Variants in ITGA5 observed in about 807,000 individuals in gnomAD.
ITGA5 encodes the protein integrin subunit alpha 5.
In ITGA5, 55 loss-of-function variants were observed where a neutral mutation model predicts 146.3. That is an observed-to-expected ratio of 0.38 (90% CI 0.30 to 0.47). ITGA5 has a LOEUF of 0.47. Among genes scored for constraint, ITGA5 ranks in the 20% least tolerant of loss-of-function variants. The probability of loss-of-function intolerance (pLI) is 0.99; values close to 1 mark genes in which losing one functional copy is unlikely to be tolerated. For synonymous variants in ITGA5, 500 were observed against 531.8 expected (o/e 0.94, Z 0.82); for missense variants, 1,131 against 1,329.0 (o/e 0.85, Z 2.32).
At chr12:54,397,793 C>T (rs932584393) in intron 28 of ITGA5, among the ~76,000 whole-genome samples, 3 of 152,202 alleles carry the variant, frequency 2.0e-5, no homozygotes, top group Non-Finnish European at 2.9e-5. Flanking sequence ...GTCTGGGTTC[C>T]AGATCAACTC....
chr12:54,407,845 A>C lies in ITGA5; in HGVS notation c.849T>G (p.Gly283=). ...GGACACACTCACCTTCTGTGTCATCACCACTGAATTCACCAACAGCCACAG... is the reference window on the plus strand; with the variant it reads ...GGACACACTCACCTTCTGTGTCATCCCCACTGAATTCACCAACAGCCACAG... ...GYSVAVGEFS[G]DDTEDFVAGV... Residue 283 remains glycine, a synonymous_variant, in exon 8 of 30, where the codon GGT becomes GGG. Coordinates refer to ENST00000293379, the MANE Select transcript of ITGA5 (RefSeq NM_002205.5). 1 of 1,596,108 alleles carries C rather than the reference A, an allele frequency of 6.3e-7. No homozygotes were observed.
Position 54,405,158 on chromosome 12 carries a change from G to C in ITGA5, c.1225+8C>G, listed in dbSNP as rs977216690. ...TCCTCTTTCACTCTCTGAGCCCATG[G>C]TACTCACCATTGTAGCCATCCTGGT... is the stretch of plus-strand genomic sequence containing the variant. On this transcript the variant is annotated splice_region_variant and intron_variant, in intron 12 of 29. Coordinates refer to ENST00000293379, the MANE Select transcript of ITGA5 (RefSeq NM_002205.5). The C allele has an allele frequency of 3.8e-6, 6 of 1,583,914 alleles. No homozygotes were observed. Among genetic ancestry groups the C allele is most frequent in the Non-Finnish European group, 5.2e-6 (6 of 1,161,646 alleles).
chr12:54,404,650 G>C (rs1955837604), intron 13 of ITGA5, 53 bp downstream of exon 13: 3 of 1,532,696 alleles, frequency 2.0e-6, no homozygotes, highest in South Asian at 1.1e-5. Flanking sequence ...GAGAGAGTAG[G>C]GGTCAGTGAC....
At position 54,403,351 on chromosome 12, in the gene ITGA5, A is replaced by C; in HGVS notation, c.1777-27T>G. The C allele has an allele frequency of 6.6e-7, 1 of 1,504,948 alleles. No individual in the cohort carries two copies. Among genetic ancestry groups the C allele is most frequent in the Non-Finnish European group, 8.9e-7 (1 of 1,126,968 alleles). The allele number at this position is 1,504,948 out of a possible 1,614,324, so 93.2% of individuals were successfully genotyped here. A position where few individuals can be genotyped will look rare whatever the true frequency, so the allele number is the denominator to read the frequency against. On this transcript the variant is annotated intron_variant, in intron 17 of 29. Transcript: ENST00000293379. This position sits in a 1 kb window ranked among gnomAD's most constrained non-coding sequence, Gnocchi z 4.9. ...TGGGGCCAGAGGAGAGAGTTCACGGAGTCAGGGGACTCTGGAGACTTAGTG... is the reference window on the plus strand; with the variant it reads ...TGGGGCCAGAGGAGAGAGTTCACGGCGTCAGGGGACTCTGGAGACTTAGTG...
intron 29 of ITGA5, 160 bp downstream of exon 29, chr12:54,397,205 G>A (rs1955722006): frequency 2.3e-5 from 15 of 642,764 alleles, no homozygotes; most frequent in Admixed American, 2.9e-5. Context: ...ATGAAGGGGG[G>A]GATCTTATAG....
In ITGA5 at chr12:54,405,929, G is replaced by GGGAGAT. The variant is rs1955860875; in HGVS notation, c.907-9_907-4dup. ...TCTGAGCCATTAAGGATGGTGACCT[G>GGGAGAT]GGAGATGAAGAGATAGGCCCATTGG... On this transcript the variant is annotated splice_region_variant and splice_polypyrimidine_tract_variant and intron_variant, in intron 9 of 29. Transcript: ENST00000293379. 6.2e-7 allele frequency: 1 copy of GGGAGAT among 1,613,318 alleles called. No homozygotes were observed. Among genetic ancestry groups the GGGAGAT allele is most frequent in the African/African-American group, 1.3e-5 (1 of 74,904 alleles).
rs1296994426 is a variant in ITGA5, at chr12:54,408,131, T to C, written c.796A>G (p.Ile266Val). Residue 266 changes from isoleucine to valine, a missense_variant, in exon 7 of 30, where the codon ATC (isoleucine) becomes GTC (valine). Ile to Val is a conservative substitution (Grantham distance 29, BLOSUM62 3). Coordinates refer to ENST00000293379, the MANE Select transcript of ITGA5 (RefSeq NM_002205.5). ...GQLQTRQASS[I>V]YDDSYLGYSV... Reference sequence around the variant, plus strand: ...TCACCTAGGTAGCTGTCATCATAGATGGAACTGGCCTGGCGAGTCTGCAGC... The same window carrying C: ...TCACCTAGGTAGCTGTCATCATAGACGGAACTGGCCTGGCGAGTCTGCAGC... The C allele has an allele frequency of 1.2e-6, 2 of 1,614,140 alleles. No individual in the cohort carries two copies. Among genetic ancestry groups the C allele is most frequent in the South Asian group, 1.1e-5 (1 of 91,082 alleles).
chr12:54,407,379 T>C (rs1359991999), intron 9 of ITGA5: 1 of 502,750 alleles, frequency 2.0e-6, no homozygotes, highest in African/African-American at 1.9e-5. Context: ...ATGCATTTTC[T>C]CATTTCATCC....
rs1476087862 is a variant in ITGA5, at chr12:54,401,431, G to A, written c.2435C>T (p.Pro812Leu). ...AVLFPVSDWH[P>L]RDQPQKEEDL... ...CTCCTCCTTCTGAGGCTGGTCTCGG[G>A]GATGCCAGTCGCTTACTGGGAATAG... Residue 812 changes from proline to leucine, a missense_variant, in exon 24 of 30, where the codon CCC (proline) becomes CTC (leucine). By Grantham distance (98) the Pro-to-Leu change is moderately conservative (BLOSUM62 -3). Transcript: ENST00000293379. The surrounding 1 kb of genome is among the most constrained non-coding windows in gnomAD (Gnocchi z 5.0). 9 of 1,614,066 alleles carry A rather than the reference G, an allele frequency of 5.6e-6. No homozygotes were observed. The highest frequency in any genetic ancestry group is 7.6e-6 in the Non-Finnish European group (9 of 1,179,992).
intron 2 of ITGA5, among the ~76,000 whole-genome samples, chr12:54,411,614 T>C (rs533872770): frequency 6.6e-6 from 1 of 152,304 alleles, no homozygotes; most frequent in African/African-American, 2.4e-5. Flanking sequence ...GAGCCACATG[T>C]TTCTGAATCA....
Position 54,396,229 on chromosome 12 carries a change from T to G in ITGA5, c.*64A>C. The stretch of plus-strand genomic sequence containing the variant: ...CTTCAAGAAGTACCCAGACCCCTCC[T>G]TTTCAGTAGAATGAGGGTGGGGGGA... On this transcript the variant is annotated 3_prime_UTR_variant, in exon 30 of 30. Transcript: ENST00000293379. 1.5e-6 allele frequency: 2 copies of G among 1,339,588 alleles called. No homozygotes were observed. The highest frequency in any genetic ancestry group is 2.1e-6 in the Non-Finnish European group (2 of 933,058). The allele number at this position is 1,339,588 out of a possible 1,614,324, so 83.0% of individuals were successfully genotyped here.
In ITGA5 at chr12:54,395,994, C is replaced by G; in HGVS notation, c.*299G>C. On this transcript the variant is annotated 3_prime_UTR_variant, in exon 30 of 30. Transcript: ENST00000293379. ...TCCTAGTTATCTTTCCAAGTTGTTT[C>G]AGGAAACTCTCCAAAATGCAAAGGC... is the stretch of plus-strand genomic sequence containing the variant. The G allele has an allele frequency of 3.3e-6, 1 of 299,738 alleles. No individual in the cohort carries two copies. The highest frequency in any genetic ancestry group is 6.3e-6 in the Non-Finnish European group (1 of 158,722). 18.6% of individuals were successfully genotyped at this position (299,738 alleles called of 1,614,324 possible). A position where few individuals can be genotyped will look rare whatever the true frequency, so the allele number is the denominator to read the frequency against.
At chr12:54,412,084 G>A (rs1955953051) in intron 1 of ITGA5, 120 bp from the exon 2 acceptor site, 1 of 723,974 alleles carries the variant, frequency 1.4e-6, no homozygotes, top group Non-Finnish European at 2.1e-6. Context: ...GATGCCCCCT[G>A]CGTTGTATTT....
intron 1 of ITGA5, among the ~76,000 whole-genome samples, chr12:54,418,754 CAT>C (rs1403923507): frequency 6.6e-6 from 1 of 152,016 alleles, no homozygotes; most frequent in African/African-American, 2.4e-5. Flanking sequence ...CCACCGGACA[CAT>C]GTCTCCCCAC....
chr12:54,399,522 G>C, intron 27 of ITGA5, 123 bp downstream of exon 27: 1 of 705,728 alleles, frequency 1.4e-6, no homozygotes, highest in Non-Finnish European at 2.5e-6. Context: ...GGGCAAGGAA[G>C]GGGAGCTGGA....
Position 54,409,400 on chromosome 12 carries a change from C to T in ITGA5, c.463-48G>A, listed in dbSNP as rs755225939. The T allele has an allele frequency of 1.1e-5, 17 of 1,607,188 alleles. 1 individual carries two copies. The South Asian group carries it at 1.4e-4, about 14-fold the overall frequency. Reference sequence around the variant, plus strand: ...GCCTTCAGATTCAGTCCAATAAGGCCCTTCCTCCCTCCCTCCAGGCCCGGC... The same window carrying T: ...GCCTTCAGATTCAGTCCAATAAGGCTCTTCCTCCCTCCCTCCAGGCCCGGC... On this transcript the variant is annotated intron_variant, in intron 3 of 29. Transcript: ENST00000293379. The surrounding 1 kb of genome is among the most constrained non-coding windows in gnomAD (Gnocchi z 4.7).
Position 54,396,157 on chromosome 12 carries a change from G to C in ITGA5, c.*136C>G. Reference sequence around the variant, plus strand: ...CACCCCCCTGGCTCTGGCCCTTCAAGTATGTCTCTGGGCTGGGGAGAGGAG... The same window carrying C: ...CACCCCCCTGGCTCTGGCCCTTCAACTATGTCTCTGGGCTGGGGAGAGGAG... On this transcript the variant is annotated 3_prime_UTR_variant, in exon 30 of 30. Coordinates refer to ENST00000293379, the MANE Select transcript of ITGA5 (RefSeq NM_002205.5). 1.5e-6 allele frequency: 1 copy of C among 673,240 alleles called. No individual in the cohort carries two copies. The highest frequency in any genetic ancestry group is 2.6e-6 in the Non-Finnish European group (1 of 386,308). 41.7% of individuals were successfully genotyped at this position (673,240 alleles called of 1,614,324 possible).
intron 29 of ITGA5, 180 bp downstream of exon 29, chr12:54,397,185 G>T: frequency 5.3e-6 from 3 of 567,654 alleles, no homozygotes; most frequent in Admixed American, 3.2e-5. Context: ...TCTAAGCTAG[G>T]GGCTATAGAA....
Position 54,401,784 on chromosome 12 carries a change from C to A in ITGA5, c.2298G>T (p.Gln766His). 1 of 1,614,154 alleles carries A rather than the reference C, an allele frequency of 6.2e-7. No individual in the cohort carries two copies. ...ACACACTCACTCCCTACCTGAGGAT[C>A]TGGAAGTCAAACTGGATGGTTTTCT... The part of the protein sequence containing the change: ...DTKKTIQFDF[Q>H]ILSKNLNNSQ... Residue 766 changes from glutamine (Q) to histidine (H), a missense_variant, in exon 22 of 30, where the codon CAG becomes CAT. Physicochemically the swap from Gln to His is conservative, Grantham distance 24 (BLOSUM62 0). Transcript: ENST00000293379. This position sits in a 1 kb window ranked among gnomAD's most constrained non-coding sequence, Gnocchi z 5.0.
Sources: gnomAD v4.1 joint callset for allele counts (sites outside exome capture counted in the v4.1 genomes callset) on GRCh38, gnomAD v4.1.1 for gene constraint, Gnocchi (gnomAD v3.1) non-coding constraint, MANE v1.5 for transcripts, NCBI Gene and HGNC (gene_info 2026-07-23, HGNC 2026-07-21) for gene names.